Variants in RAB11FIP4 observed in about 807,000 individuals in gnomAD.
The protein encoded by RAB11FIP4 is RAB11 family interacting protein 4, also known as rab11 family-interacting protein 4.
Under a neutral mutation model 74.3 loss-of-function variants are expected in RAB11FIP4, and 23 were observed. The observed-to-expected ratio is 0.31, with a 90% CI of 0.22 to 0.44. The LOEUF is 0.44. RAB11FIP4 is among the 20% of genes least tolerant of loss of function. The pLI, the probability that RAB11FIP4 is intolerant of heterozygous loss-of-function variation, is 1.00. For synonymous variants in RAB11FIP4, 360 were observed against 359.9 expected (o/e 1.00, Z 0.00); for missense variants, 630 against 863.9 (o/e 0.73, Z 3.39).
chr17:31,423,464 C>T (rs1160853334), intron 1 of RAB11FIP4, among the ~76,000 whole-genome samples: 1 of 152,216 alleles, frequency 6.6e-6, no homozygotes, highest in Non-Finnish European at 1.5e-5. Flanking sequence ...ACCCCCTGGC[C>T]TTAAGCAATC....
At chr17:31,402,256 A>G (rs1201812357) in intron 1 of RAB11FIP4, among the ~76,000 whole-genome samples, 1 of 151,942 alleles carries the variant, frequency 6.6e-6, no homozygotes, top group Non-Finnish European at 1.5e-5. Context: ...CTTCCTGAGT[A>G]TCAGTCATGC....
intron 3 of RAB11FIP4, among the ~76,000 whole-genome samples, chr17:31,461,673 C>T (rs546946227): frequency 4.3e-4 from 66 of 152,086 alleles, no homozygotes; most frequent in Admixed American, 5.9e-4. Flanking sequence ...CCACCTGCCT[C>T]GGCCTCCCAA....
chr17:31,521,446 C>A, intron 5 of RAB11FIP4, 86 bp downstream of exon 5: 1 of 1,177,514 alleles, frequency 8.5e-7, no homozygotes, highest in Non-Finnish European at 1.2e-6. Context: ...GGGTGCGAGT[C>A]CTGAGCTGGC....
At position 31,531,935 on chromosome 17, in the gene RAB11FIP4, C is replaced by T. The variant is rs750367508; in HGVS notation, c.*203C>T. On this transcript the variant is annotated 3_prime_UTR_variant, in exon 15 of 15. Coordinates refer to ENST00000621161, the MANE Select transcript of RAB11FIP4 (RefSeq NM_032932.6). Reference sequence around the variant, plus strand: ...GCCGTGGCTGTGGGCAGCATCCACACGGTTAGCCGTGCATGCACTTTGTGG... The same window carrying T: ...GCCGTGGCTGTGGGCAGCATCCACATGGTTAGCCGTGCATGCACTTTGTGG... 2.9e-5 allele frequency: 16 copies of T among 557,508 alleles called. No individual in the cohort carries two copies. The highest frequency in any genetic ancestry group is 1.5e-4 in the East Asian group (5 of 33,608). The allele number at this position is 557,508 out of a possible 1,614,324, so 34.5% of individuals were successfully genotyped here. A position where few individuals can be genotyped will look rare whatever the true frequency, so the allele number is the denominator to read the frequency against.
At chr17:31,461,985 G>C (rs1401279572) in intron 3 of RAB11FIP4, among the ~76,000 whole-genome samples, 1 of 152,118 alleles carries the variant, frequency 6.6e-6, no homozygotes, top group Non-Finnish European at 1.5e-5. Flanking sequence ...AATGTGGCTG[G>C]GTGCGGTGGC....
Position 31,512,075 on chromosome 17 carries a change from C to T in RAB11FIP4, c.337-5576C>T, listed in dbSNP as rs1012546068. Among the ~76,000 whole-genome samples, 1 of 152,204 alleles carries T rather than the reference C, an allele frequency of 6.6e-6. No homozygotes were observed. Reference sequence around the variant, plus strand: ...AATGCCCTGGCCTCAGGTAATTCCTCAGCTTGGCTTCTCTGAGGAGGGTGG... The same window carrying T: ...AATGCCCTGGCCTCAGGTAATTCCTTAGCTTGGCTTCTCTGAGGAGGGTGG... On this transcript the variant is annotated intron_variant, in intron 3 of 14. Transcript: ENST00000621161. This position sits in a 1 kb window ranked among gnomAD's most constrained non-coding sequence, Gnocchi z 4.1.
Position 31,533,461 on chromosome 17 carries a change from C to T in RAB11FIP4, c.*1729C>T, listed in dbSNP as rs4794894. ...TCCTTGGGCTCCCCCAAGGGTTCTGCGAAGAGGCAGTGGAAGAAGGCATGA... is the reference window on the plus strand; with the variant it reads ...TCCTTGGGCTCCCCCAAGGGTTCTGTGAAGAGGCAGTGGAAGAAGGCATGA... On this transcript the variant is annotated 3_prime_UTR_variant, in exon 15 of 15. Transcript: ENST00000621161. 0.045 allele frequency: 6,903 copies of T among 152,088 alleles called. 236 individuals carry two copies. Among genetic ancestry groups the T allele is most frequent in the Non-Finnish European group, 0.061 (4,147 of 68,026 alleles). The allele number at this position is 152,088 out of a possible 1,614,324, so 9.4% of individuals were successfully genotyped here.
At chr17:31,507,000 C>G (rs916837357) in intron 3 of RAB11FIP4, among the ~76,000 whole-genome samples, 1 of 152,210 alleles carries the variant, frequency 6.6e-6, no homozygotes, top group South Asian at 2.1e-4. Flanking sequence ...ACAGTCCCAA[C>G]CGGGCACAGT....
intron 3 of RAB11FIP4, among the ~76,000 whole-genome samples, chr17:31,505,819 C>T (rs1172032188): frequency 1.4e-5 from 2 of 145,368 alleles, no homozygotes; most frequent in Non-Finnish European, 3.0e-5. Flanking sequence ...AATCCTTTGG[C>T]CTCAGCCTCC....
chr17:31,491,835 G>A (rs1164698805), intron 3 of RAB11FIP4, among the ~76,000 whole-genome samples: 2 of 152,214 alleles, frequency 1.3e-5, no homozygotes, highest in South Asian at 2.1e-4. Context: ...TGGGCATTGA[G>A]GCATTTCTGG....
rs967559190 is a variant in RAB11FIP4, at chr17:31,489,860, G to A, written c.337-27791G>A. 7.2e-5 allele frequency among the ~76,000 whole-genome samples: 11 copies of A among 152,224 alleles called. No individual in the cohort carries two copies. The East Asian group carries it at 1.7e-3, about 24-fold the overall frequency. On this transcript the variant is annotated intron_variant, in intron 3 of 14. Coordinates refer to ENST00000621161, the MANE Select transcript of RAB11FIP4 (RefSeq NM_032932.6). ...GGGGGGGCCTGGACTTAGGCGAAGG[G>A]GGTGGAGTAAATGACTAAGGCCAGT...
Position 31,505,470 on chromosome 17 carries a change from TA to T in RAB11FIP4, c.337-12179del, listed in dbSNP as rs1173296690. On this transcript the variant is annotated intron_variant, in intron 3 of 14. Transcript: ENST00000621161. Reference sequence around the variant, plus strand: ...ATATAATAATTATTATAACATATAATAATAATTATAATATATAATATATAAT... The same window carrying T: ...ATATAATAATTATTATAACATATAATATAATTATAATATATAATATATAAT... Among the ~76,000 whole-genome samples, 14 of 74,488 alleles carry T rather than the reference TA, an allele frequency of 1.9e-4. No homozygotes were observed. The East Asian group carries it at 2.3e-3, about 12-fold the overall frequency. The allele number at this position is 74,488 out of a possible 152,430, so 48.9% of individuals were successfully genotyped here.
chr17:31,442,434 C>A (rs370950255), intron 3 of RAB11FIP4, among the ~76,000 whole-genome samples: 1 of 152,196 alleles, frequency 6.6e-6, no homozygotes, highest in African/African-American at 2.4e-5. Context: ...ATTACAGACC[C>A]CACGAGCCAA....
At chr17:31,473,009 A>G in intron 3 of RAB11FIP4, among the ~76,000 whole-genome samples, 1 of 151,614 alleles carries the variant, frequency 6.6e-6, no homozygotes, top group East Asian at 1.9e-4. Context: ...CTCCAGCCTG[A>G]GCAACAGAGC....
chr17:31,421,274 C>T (rs2071196792), intron 1 of RAB11FIP4, among the ~76,000 whole-genome samples: 1 of 151,694 alleles, frequency 6.6e-6, no homozygotes, highest in African/African-American at 2.4e-5. Context: ...GGCTGAAGTG[C>T]AGTGTGTGAT....
intron 3 of RAB11FIP4, among the ~76,000 whole-genome samples, chr17:31,474,053 C>T (rs1011040223): frequency 6.6e-6 from 1 of 152,164 alleles, no homozygotes; most frequent in Non-Finnish European, 1.5e-5. Context: ...ATCTTGGCTC[C>T]AGATGCCCCG....
At chr17:31,530,593 AC>A in intron 14 of RAB11FIP4, 124 bp downstream of exon 14, 1 of 1,259,828 alleles carries the variant, frequency 7.9e-7, no homozygotes, top group Non-Finnish European at 1.1e-6. Context: ...ATCTACAGCT[AC>A]CCCACATGAC....
At chr17:31,433,939 C>T in intron 2 of RAB11FIP4, 95 bp from the exon 3 acceptor site, 1 of 1,255,462 alleles carries the variant, frequency 8.0e-7, no homozygotes, top group Non-Finnish European at 1.1e-6. Context: ...CCACCTCAGC[C>T]CTTCCCACCC....
At chr17:31,484,071 CTT>C (rs530656307) in intron 3 of RAB11FIP4, among the ~76,000 whole-genome samples, 1,860 of 115,808 alleles carry the variant, frequency 0.016, 32 homozygotes, top group African/African-American at 0.052. Context: ...AAGATCTTAT[CTT>C]TTTTTTTTTT....
Sources: gnomAD v4.1 joint callset for allele counts (sites outside exome capture counted in the v4.1 genomes callset) on GRCh38, gnomAD v4.1.1 for gene constraint, Gnocchi (gnomAD v3.1) non-coding constraint, MANE v1.5 for transcripts, NCBI Gene and HGNC (gene_info 2026-07-23, HGNC 2026-07-21) for gene names.